Variants in ATP2B2 observed in about 807,000 individuals in gnomAD.
ATP2B2 encodes plasma membrane calcium-transporting ATPase 2.
ATP2B2 carries 15 observed loss-of-function variants against 120.0 expected under a neutral mutation model. The ratio of observed to expected loss-of-function variants is 0.12; its 90% CI spans 0.08 to 0.19. The LOEUF is 0.19. ATP2B2 is among the 10% of genes least tolerant of loss of function. ATP2B2 has a pLI of 1.00. For synonymous variants in ATP2B2, 694 were observed against 700.3 expected (o/e 0.99, Z 0.14); for missense variants, 1,045 against 1,719.8 (o/e 0.61, Z 6.94).
intron 8 of ATP2B2, 74 bp from the exon 9 acceptor site, chr3:10,379,358 G>A: frequency 1.3e-6 from 2 of 1,495,490 alleles, no homozygotes; most frequent in Non-Finnish European, 1.9e-6. Flanking sequence ...GACGCAACAG[G>A]CCACAGACAT....
At chr3:10,668,132 A>G (rs78883655) in intron 1 of ATP2B2, among the ~76,000 whole-genome samples, 4,279 of 152,282 alleles carry the variant, frequency 0.028, 77 homozygotes, top group South Asian at 0.089. Flanking sequence ...CCCAGCCTGT[A>G]AGATAGGAGG....
At chr3:10,691,954 A>T (rs2071671106) in intron 1 of ATP2B2, among the ~76,000 whole-genome samples, 1 of 152,188 alleles carries the variant, frequency 6.6e-6, no homozygotes, top group South Asian at 2.1e-4. Context: ...TCTGATCCCC[A>T]CTTTACAACT....
chr3:10,687,380 A>G (rs898305420), intron 1 of ATP2B2, among the ~76,000 whole-genome samples: 1 of 152,122 alleles, frequency 6.6e-6, no homozygotes, highest in Non-Finnish European at 1.5e-5. Flanking sequence ...GGGCTAAGGA[A>G]TGTTTTTGAT....
intron 1 of ATP2B2, among the ~76,000 whole-genome samples, chr3:10,649,453 C>A (rs1575591405): frequency 6.6e-6 from 1 of 152,212 alleles, no homozygotes; most frequent in Non-Finnish European, 1.5e-5. Context: ...CATCCTTCTG[C>A]CAATTTCTCT....
intron 2 of ATP2B2, among the ~76,000 whole-genome samples, chr3:10,575,660 T>C (rs1575514018): frequency 6.6e-6 from 1 of 152,056 alleles, no homozygotes; most frequent in Non-Finnish European, 1.5e-5. Context: ...ATGTCTGGGG[T>C]AGAGAGGATG....
At chr3:10,435,275 C>A (rs1575214853) in intron 2 of ATP2B2, among the ~76,000 whole-genome samples, 1 of 152,158 alleles carries the variant, frequency 6.6e-6, no homozygotes. Flanking sequence ...AAATCAGATC[C>A]CCTGGTCTTC....
At chr3:10,513,904 C>T (rs140888787) in intron 3 of ATP2B2, among the ~76,000 whole-genome samples, 227 of 152,066 alleles carry the variant, frequency 1.5e-3, no homozygotes, top group Non-Finnish European at 2.4e-3. Context: ...TTTTTCCCAA[C>T]CCCCCAGGGC....
chr3:10,649,537 A>C (rs1030422880), intron 1 of ATP2B2, among the ~76,000 whole-genome samples: 9 of 152,300 alleles, frequency 5.9e-5, no homozygotes, highest in Non-Finnish European at 1.2e-4. Flanking sequence ...CAGATGGAGC[A>C]TTCCTCTCTC....
chr3:10,639,346 C>A (rs776584635), intron 1 of ATP2B2, among the ~76,000 whole-genome samples: 1 of 152,108 alleles, frequency 6.6e-6, no homozygotes, highest in African/African-American at 2.4e-5. Context: ...AGCTTATAGG[C>A]AATAGAAATG....
chr3:10,412,693 C>T (rs1004555967), intron 2 of ATP2B2, among the ~76,000 whole-genome samples: 1 of 152,146 alleles, frequency 6.6e-6, no homozygotes, highest in Non-Finnish European at 1.5e-5. Flanking sequence ...GGCCGTGGAC[C>T]TTGGGGACAA....
chr3:10,574,294 C>T (rs935503161), intron 2 of ATP2B2, among the ~76,000 whole-genome samples: 2 of 152,044 alleles, frequency 1.3e-5, no homozygotes, highest in Admixed American at 6.6e-5. Context: ...GTAAGGTGGT[C>T]GCTGAATGGT....
rs1222480575 is a variant in ATP2B2, at chr3:10,325,246, T to C, written c.*3568A>G. The C allele has an allele frequency of 6.6e-6, 1 of 152,122 alleles. No individual in the cohort carries two copies. The highest frequency in any genetic ancestry group is 1.5e-5 in the Non-Finnish European group (1 of 68,022). 9.4% of individuals were successfully genotyped at this position (152,122 alleles called of 1,614,324 possible). On this transcript the variant is annotated 3_prime_UTR_variant, in exon 23 of 23. Coordinates refer to ENST00000360273, the MANE Select transcript of ATP2B2 (RefSeq NM_001001331.4). The stretch of plus-strand genomic sequence containing the variant: ...ACAGGGGGTGGAGGACTGGGCACAA[T>C]TTAAAGTTTATGTGGAAGAATAGAT...
intron 2 of ATP2B2, among the ~76,000 whole-genome samples, chr3:10,557,089 C>G (rs1407154613): frequency 6.6e-6 from 1 of 152,198 alleles, no homozygotes; most frequent in African/African-American, 2.4e-5. Flanking sequence ...AAGTGGTTCC[C>G]TTCTCCCTCT....
intron 2 of ATP2B2, among the ~76,000 whole-genome samples, chr3:10,447,040 C>G (rs1453247433): frequency 6.6e-6 from 1 of 152,244 alleles, no homozygotes; most frequent in Non-Finnish European, 1.5e-5. Flanking sequence ...ACCTTCCCTT[C>G]CATGAAGCCT....
chr3:10,677,048 T>C (rs188286639), intron 1 of ATP2B2, among the ~76,000 whole-genome samples: 134 of 152,298 alleles, frequency 8.8e-4, no homozygotes, highest in Non-Finnish European at 1.2e-3. Context: ...GGTCCAGCAA[T>C]CACACTCCCT....
intron 22 of ATP2B2, among the ~76,000 whole-genome samples, chr3:10,337,750 T>C (rs1159472795): frequency 6.6e-6 from 1 of 152,010 alleles, no homozygotes; most frequent in East Asian, 1.9e-4. Context: ...GCGGACCCCC[T>C]GACCACCACG....
chr3:10,432,951 TG>T (rs1360625456), intron 2 of ATP2B2, among the ~76,000 whole-genome samples: 4 of 152,080 alleles, frequency 2.6e-5, no homozygotes, highest in Non-Finnish European at 5.9e-5. Context: ...GGGGATGGGC[TG>T]GGGGAGCTCT....
At chr3:10,363,850 T>C (rs888679867) in intron 12 of ATP2B2, among the ~76,000 whole-genome samples, 1 of 152,234 alleles carries the variant, frequency 6.6e-6, no homozygotes, top group African/African-American at 2.4e-5. Context: ...ATGAAATTAC[T>C]ATATGATCCA....
intron 3 of ATP2B2, among the ~76,000 whole-genome samples, chr3:10,532,527 G>A (rs2067232454): frequency 6.6e-6 from 1 of 152,252 alleles, no homozygotes; most frequent in South Asian, 2.1e-4. Context: ...AGGATGGCTT[G>A]TGGATGGCTC....
Sources: gnomAD v4.1 joint callset for allele counts (sites outside exome capture counted in the v4.1 genomes callset) on GRCh38, gnomAD v4.1.1 for gene constraint, MANE v1.5 for transcripts, NCBI Gene and HGNC (gene_info 2026-07-23, HGNC 2026-07-21) for gene names.